The following MCU variants were observed in gnomAD, a reference collection of about 807,000 sequenced individuals.
MCU encodes the protein calcium uniporter protein, mitochondrial.
MCU carries 12 observed loss-of-function variants against 45.2 expected under a neutral mutation model. That is an observed-to-expected ratio of 0.27 (90% CI 0.17 to 0.43). The LOEUF (loss-of-function observed/expected upper bound fraction) is 0.43, where lower values mean the gene tolerates loss of function less well. MCU is among the 20% of genes least tolerant of loss of function. MCU has a pLI of 1.00. For synonymous variants in MCU, 160 were observed against 165.1 expected (o/e 0.97, Z 0.24); for missense variants, 324 against 436.7 (o/e 0.74, Z 2.30).
chr10:72,823,256 G>A lies in MCU; in HGVS notation c.151-11103G>A, dbSNP rs1217480077. ...AAAACATCATGCTAAGTGAAAGAAG[G>A]CAGTCACAAAAAGACCACAAATTGG... On this transcript the variant is annotated intron_variant, in intron 1 of 7. Coordinates refer to ENST00000373053, the MANE Select transcript of MCU (RefSeq NM_138357.3). 5.3e-5 allele frequency among the ~76,000 whole-genome samples: 8 copies of A among 152,164 alleles called. 1 individual carries two copies. The highest frequency in any genetic ancestry group is 9.7e-5 in the African/African-American group (4 of 41,438).
Position 72,799,051 on chromosome 10 carries a change from C to T in MCU, c.151-35308C>T, listed in dbSNP as rs1009577239. ...AAGCGATTCTCCTGCCTCAGCCTCCCGAGAAGCTGGGACTATAGGCGCCCG... is the reference window on the plus strand; with the variant it reads ...AAGCGATTCTCCTGCCTCAGCCTCCTGAGAAGCTGGGACTATAGGCGCCCG... On this transcript the variant is annotated intron_variant, in intron 1 of 7. Transcript: ENST00000373053. Among the ~76,000 whole-genome samples the T allele has an allele frequency of 9.2e-5, 14 of 152,022 alleles. No homozygotes were observed. In the East Asian group the frequency reaches 9.7e-4, roughly 11 times the overall value.
intron 6 of MCU, among the ~76,000 whole-genome samples, chr10:72,873,022 T>G (rs988771840): frequency 4.3e-5 from 6 of 138,294 alleles, no homozygotes; most frequent in African/African-American, 1.1e-4. Context: ...GGTTTTTTTT[T>G]TTTTTTTTTT....
chr10:72,703,337 C>T (rs1842781331), intron 1 of MCU, among the ~76,000 whole-genome samples: 1 of 152,138 alleles, frequency 6.6e-6, no homozygotes, highest in Non-Finnish European at 1.5e-5. Flanking sequence ...CCCAGAGTCA[C>T]AGCTGTTAAG....
intron 1 of MCU, among the ~76,000 whole-genome samples, chr10:72,701,389 T>C (rs2132649205): frequency 6.6e-6 from 1 of 152,330 alleles, no homozygotes; most frequent in East Asian, 1.9e-4. Flanking sequence ...AGCCTGAGTC[T>C]GGCTAGAGTG....
intron 1 of MCU, among the ~76,000 whole-genome samples, chr10:72,797,469 G>C (rs374543041): frequency 6.7e-6 from 1 of 149,472 alleles, no homozygotes; most frequent in African/African-American, 2.5e-5. Context: ...CAAGTGATCT[G>C]CCCATCTCAG....
intron 1 of MCU, among the ~76,000 whole-genome samples, chr10:72,731,746 C>T (rs1450434361): frequency 6.6e-6 from 1 of 152,102 alleles, no homozygotes; most frequent in East Asian, 1.9e-4. Flanking sequence ...TTTCACTTTA[C>T]GTAATGTTTT....
At chr10:72,711,054 C>T (rs981177044) in intron 1 of MCU, among the ~76,000 whole-genome samples, 2 of 151,786 alleles carry the variant, frequency 1.3e-5, no homozygotes, top group Non-Finnish European at 2.9e-5. Context: ...TGGTGGGCGC[C>T]TGTAATCCCA....
intron 5 of MCU, among the ~76,000 whole-genome samples, chr10:72,870,002 G>C (rs1845515961): frequency 6.6e-6 from 1 of 152,088 alleles, no homozygotes; most frequent in Non-Finnish European, 1.5e-5. Flanking sequence ...TACATACACA[G>C]AGAAAGAAAT....
chr10:72,819,109 G>GA (rs979103422), intron 1 of MCU, among the ~76,000 whole-genome samples: 4 of 152,182 alleles, frequency 2.6e-5, no homozygotes, highest in African/African-American at 9.7e-5. Flanking sequence ...AGTCCATGAA[G>GA]AATGGTGTCT....
At chr10:72,694,514 A>G (rs1842663205) in intron 1 of MCU, among the ~76,000 whole-genome samples, 1 of 152,222 alleles carries the variant, frequency 6.6e-6, no homozygotes, top group Admixed American at 6.5e-5. Flanking sequence ...TCAAAACCCC[A>G]TGAATGGGAA....
chr10:72,807,301 G>A (rs2166334), intron 1 of MCU, among the ~76,000 whole-genome samples: 69,384 of 151,644 alleles, frequency 0.46, 20,058 homozygotes, highest in Non-Finnish European at 0.67. Context: ...ATTTTGAGGA[G>A]TATATTACTT....
At chr10:72,768,041 T>A (rs1364595007) in intron 1 of MCU, among the ~76,000 whole-genome samples, 2 of 151,894 alleles carry the variant, frequency 1.3e-5, no homozygotes, top group African/African-American at 4.8e-5. Flanking sequence ...TCTATTAAGA[T>A]GAAGAGTTTC....
chr10:72,773,075 A>G (rs964863854), intron 1 of MCU, among the ~76,000 whole-genome samples: 6 of 152,126 alleles, frequency 3.9e-5, no homozygotes, highest in Admixed American at 1.3e-4. Flanking sequence ...ATTTTTGAAT[A>G]TTTTGTAGAG....
chr10:72,694,373 T>C (rs147029158), intron 1 of MCU, among the ~76,000 whole-genome samples: 2 of 152,324 alleles, frequency 1.3e-5, no homozygotes, highest in African/African-American at 4.8e-5. Flanking sequence ...ACGTAAGTTT[T>C]AGGACTCCCA....
At chr10:72,705,411 G>A (rs1207702965) in intron 1 of MCU, among the ~76,000 whole-genome samples, 2 of 152,198 alleles carry the variant, frequency 1.3e-5, no homozygotes, top group Non-Finnish European at 2.9e-5. Context: ...GTTGGGCGCT[G>A]TGGCTCAAGC....
At chr10:72,796,670 C>T (rs1476529866) in intron 1 of MCU, among the ~76,000 whole-genome samples, 1 of 150,518 alleles carries the variant, frequency 6.6e-6, no homozygotes, top group South Asian at 2.1e-4. Flanking sequence ...CGTACCACCA[C>T]GCCTGGCTAC....
At chr10:72,744,113 C>G (rs996490634) in intron 1 of MCU, among the ~76,000 whole-genome samples, 1 of 151,306 alleles carries the variant, frequency 6.6e-6, no homozygotes, top group Admixed American at 6.6e-5. Context: ...TTTTATCCCA[C>G]TCTTAATATA....
intron 1 of MCU, among the ~76,000 whole-genome samples, chr10:72,736,777 C>T (rs1379539222): frequency 6.6e-6 from 1 of 152,192 alleles, no homozygotes; most frequent in Non-Finnish European, 1.5e-5. Flanking sequence ...TTTGCCTTAG[C>T]TCAATAGTGC....
Position 72,838,603 on chromosome 10 carries a change from C to A in MCU, c.220+4175C>A, listed in dbSNP as rs145654882. Among the ~76,000 whole-genome samples the A allele has an allele frequency of 8.8e-4, 134 of 152,122 alleles. 2 individuals carry two copies. In the East Asian group the frequency reaches 0.013, roughly 14 times the overall value. On this transcript the variant is annotated intron_variant, in intron 2 of 7. Transcript: ENST00000373053. Reference sequence around the variant, plus strand: ...GTGAGCTTTGACTGCTCACTGCTCCCTCCTGAACGACAGAGTCAGACCTTG... The same window carrying A: ...GTGAGCTTTGACTGCTCACTGCTCCATCCTGAACGACAGAGTCAGACCTTG...
Sources: gnomAD v4.1 joint callset for allele counts (sites outside exome capture counted in the v4.1 genomes callset) on GRCh38, gnomAD v4.1.1 for gene constraint, MANE v1.5 for transcripts, NCBI Gene and HGNC (gene_info 2026-07-23, HGNC 2026-07-21) for gene names.